The following CADM1 variants were observed in gnomAD, a reference collection of about 807,000 sequenced individuals.
The protein encoded by CADM1 is TSLC-1.
In CADM1, 15 loss-of-function variants were observed where a neutral mutation model predicts 53.1. That is an observed-to-expected ratio of 0.28 (90% CI 0.19 to 0.44). The LOEUF is 0.44. Ranked by LOEUF, CADM1 falls within the 20% of genes least tolerant of loss-of-function variation. The pLI, the probability that CADM1 is intolerant of heterozygous loss-of-function variation, is 1.00. For missense variants in CADM1, 434 were observed against 611.3 expected (o/e 0.71, Z 3.06); for synonymous variants, 281 against 243.0 (o/e 1.16, Z -1.45).
intron 1 of CADM1, among the ~76,000 whole-genome samples, chr11:115,299,584 T>C (rs2135131512): frequency 6.6e-6 from 1 of 152,312 alleles, no homozygotes; most frequent in Middle Eastern, 3.4e-3. Context: ...GAGATATTTA[T>C]ATAGTATATA....
In CADM1 at chr11:115,413,644, C is replaced by CTTTTTTTTTTTT. The variant is rs71066424; in HGVS notation, c.124+90615_124+90626dup. Among the ~76,000 whole-genome samples the CTTTTTTTTTTTT allele has an allele frequency of 4.1e-4, 49 of 120,904 alleles. 4 individuals carry two copies. Among genetic ancestry groups the CTTTTTTTTTTTT allele is most frequent in the African/African-American group, 8.0e-4 (27 of 33,962 alleles). The allele number at this position is 120,904 out of a possible 152,430, so 79.3% of individuals were successfully genotyped here. A position where few individuals can be genotyped will look rare whatever the true frequency, so the allele number is the denominator to read the frequency against. ...CAGGGAGTGTGGCTCCAGCTCAGTTCTTTTTTTTTTTTTTCTCTGAGACAG... is the reference window on the plus strand; with the variant it reads ...CAGGGAGTGTGGCTCCAGCTCAGTTCTTTTTTTTTTTTTTTTTTTTTTTTTTCTCTGAGACAG... On this transcript the variant is annotated intron_variant, in intron 1 of 11. Transcript: ENST00000331581.
chr11:115,250,094 G>A (rs1327886871), intron 1 of CADM1, among the ~76,000 whole-genome samples: 4 of 152,148 alleles, frequency 2.6e-5, no homozygotes, highest in Non-Finnish European at 5.9e-5. Flanking sequence ...TAGTAGAGAT[G>A]AGGTTTCACT....
chr11:115,321,405 T>C lies in CADM1; in HGVS notation c.125-80985A>G, dbSNP rs143366776. Among the ~76,000 whole-genome samples, 1,101 of 152,294 alleles carry C rather than the reference T, an allele frequency of 7.2e-3. 17 individuals are homozygous for C. The highest frequency in any genetic ancestry group is 0.025 in the African/African-American group (1,023 of 41,560). ...GACACTCTAGGCCCTCTGTAGTGAC[T>C]AAAAGCAAACATAATAAAACAACCT... is the stretch of plus-strand genomic sequence containing the variant. On this transcript the variant is annotated intron_variant, in intron 1 of 11. Coordinates refer to ENST00000331581, the MANE Select transcript of CADM1 (RefSeq NM_001301043.2).
chr11:115,490,462 G>A (rs541499322), intron 1 of CADM1, among the ~76,000 whole-genome samples: 4 of 148,154 alleles, frequency 2.7e-5, no homozygotes, highest in South Asian at 4.3e-4. Context: ...GCAGGGGTGC[G>A]ATCTCAGCTC....
Position 115,170,992 on chromosome 11 carries a change from T to C in CADM1, c.*5482A>G, listed in dbSNP as rs987876881. Reference sequence around the variant, plus strand: ...GCTCAGTCAGCCAGGTGCTCGACTCTTCTCCCTTTAATCAGCTGATACTTG... The same window carrying C: ...GCTCAGTCAGCCAGGTGCTCGACTCCTCTCCCTTTAATCAGCTGATACTTG... On this transcript the variant is annotated 3_prime_UTR_variant, in exon 12 of 12. Transcript: ENST00000331581. 6.6e-6 allele frequency: 1 copy of C among 152,190 alleles called. No homozygotes were observed. The highest frequency in any genetic ancestry group is 2.4e-5 in the African/African-American group (1 of 41,440). The allele number at this position is 152,190 out of a possible 1,614,324, so 9.4% of individuals were successfully genotyped here. A position where few individuals can be genotyped will look rare whatever the true frequency, so the allele number is the denominator to read the frequency against.
intron 1 of CADM1, among the ~76,000 whole-genome samples, chr11:115,326,887 A>T (rs1177310284): frequency 6.6e-6 from 1 of 152,170 alleles, no homozygotes; most frequent in Non-Finnish European, 1.5e-5. Context: ...TTACTATCAA[A>T]TATGTTATCT....
In CADM1 at chr11:115,247,090, G is replaced by A. The variant is rs76054761; in HGVS notation, c.125-6670C>T. Among the ~76,000 whole-genome samples the A allele has an allele frequency of 2.2e-4, 34 of 152,094 alleles. No homozygotes were observed. The East Asian group carries it at 5.8e-3, about 26-fold the overall frequency. On this transcript the variant is annotated intron_variant, in intron 1 of 11. Coordinates refer to ENST00000331581, the MANE Select transcript of CADM1 (RefSeq NM_001301043.2). ...TGGCAAATTAACGTTCTCTATTTTC[G>A]CTTAAACACATACTATAGGTATGTT...
intron 1 of CADM1, among the ~76,000 whole-genome samples, chr11:115,407,802 T>G (rs1947353972): frequency 7.5e-6 from 1 of 133,276 alleles, no homozygotes; most frequent in Non-Finnish European, 1.5e-5. Context: ...CCTGGGGGGG[T>G]TCGAGGCTGC....
At chr11:115,411,397 T>C (rs2135245937) in intron 1 of CADM1, among the ~76,000 whole-genome samples, 1 of 152,328 alleles carries the variant, frequency 6.6e-6, no homozygotes, top group South Asian at 2.1e-4. Context: ...TGGATAATGT[T>C]CCTGACTTCA....
intron 1 of CADM1, chr11:115,397,448 T>C (rs936053885): frequency 7.2e-5 from 11 of 152,122 alleles, no homozygotes; most frequent in African/African-American, 2.2e-4. Flanking sequence ...GAAAAGTCTA[T>C]GTATCAAGAT....
chr11:115,315,811 C>A (rs1436061607), intron 1 of CADM1, among the ~76,000 whole-genome samples: 1 of 152,092 alleles, frequency 6.6e-6, no homozygotes, highest in Non-Finnish European at 1.5e-5. Context: ...TGGAGCAACA[C>A]GAATTAAAAA....
chr11:115,504,252 G>T lies in CADM1; in HGVS notation c.124+19C>A. ...GCCTTCGGAGATTTAGGGGCCAACC[G>T]GTCGGTGCCCACACCTACCTGTGGG... is the stretch of plus-strand genomic sequence containing the variant. On this transcript the variant is annotated intron_variant, in intron 1 of 11. Transcript: ENST00000331581. 1.3e-6 allele frequency: 2 copies of T among 1,569,386 alleles called. No individual in the cohort carries two copies. Among genetic ancestry groups the T allele is most frequent in the Non-Finnish European group, 1.7e-6 (2 of 1,157,838 alleles).
intron 1 of CADM1, among the ~76,000 whole-genome samples, chr11:115,400,232 T>C (rs1286065498): frequency 6.6e-6 from 1 of 152,144 alleles, no homozygotes; most frequent in Non-Finnish European, 1.5e-5. Flanking sequence ...TACGTGTGTG[T>C]CTGTGTTCTA....
At chr11:115,331,257 A>G (rs919028942) in intron 1 of CADM1, among the ~76,000 whole-genome samples, 29 of 152,146 alleles carry the variant, frequency 1.9e-4, no homozygotes, top group African/African-American at 6.8e-4. Context: ...TCAGTGGTTC[A>G]ATCTCAAATT....
At chr11:115,283,611 A>T (rs1033236117) in intron 1 of CADM1, among the ~76,000 whole-genome samples, 1 of 152,246 alleles carries the variant, frequency 6.6e-6, no homozygotes, top group African/African-American at 2.4e-5. Flanking sequence ...AATGAAGTCC[A>T]TTATCCTCAA....
At chr11:115,323,305 CT>C (rs1406596389) in intron 1 of CADM1, among the ~76,000 whole-genome samples, 1 of 152,100 alleles carries the variant, frequency 6.6e-6, no homozygotes, top group Non-Finnish European at 1.5e-5. Context: ...AATATTGTAT[CT>C]ATAATCTTCC....
intron 1 of CADM1, among the ~76,000 whole-genome samples, chr11:115,241,767 C>T (rs1002303383): frequency 8.6e-5 from 13 of 151,932 alleles, no homozygotes; most frequent in African/African-American, 2.7e-4. Context: ...AATAAGGCTC[C>T]TGCTCTCAAG....
chr11:115,393,626 A>AG (rs1214722890), intron 1 of CADM1, among the ~76,000 whole-genome samples: 10 of 151,894 alleles, frequency 6.6e-5, no homozygotes, highest in African/African-American at 1.9e-4. Flanking sequence ...TATTAAAAAA[A>AG]AATCCACAGC....
chr11:115,340,616 A>G (rs1945403544), intron 1 of CADM1, among the ~76,000 whole-genome samples: 1 of 130,104 alleles, frequency 7.7e-6, no homozygotes, highest in Non-Finnish European at 1.6e-5. Flanking sequence ...GTCACACAAC[A>G]TAATAAATAT....
Sources: gnomAD v4.1 joint callset for allele counts (sites outside exome capture counted in the v4.1 genomes callset) on GRCh38, gnomAD v4.1.1 for gene constraint, MANE v1.5 for transcripts, NCBI Gene and HGNC (gene_info 2026-07-23, HGNC 2026-07-21) for gene names.